PPEF2: variants seen among roughly 807,000 people sequenced by gnomAD.
PPEF2 encodes serine/threonine-protein phosphatase with EF-hands 2.
A neutral mutation model predicts 84.7 loss-of-function variants in PPEF2; 84 were observed. The ratio of observed to expected loss-of-function variants is 0.99; its 90% CI spans 0.83 to 1.19. The LOEUF is 1.19. Among genes scored for constraint, PPEF2 ranks in the 50% most tolerant of loss-of-function variants. PPEF2 has a pLI of 0.00. For synonymous variants in PPEF2, 346 were observed against 345.2 expected (o/e 1.00, Z -0.03); for missense variants, 924 against 937.5 (o/e 0.99, Z 0.19).
At chr4:75,861,243 T>C (rs1723992516) in intron 16 of PPEF2, among the ~76,000 whole-genome samples, 1 of 152,126 alleles carries the variant, frequency 6.6e-6, no homozygotes, top group Non-Finnish European at 1.5e-5. Context: ...CATCTTATAA[T>C]GCACAAGATG....
intron 10 of PPEF2, among the ~76,000 whole-genome samples, chr4:75,880,450 C>T (rs1265639547): frequency 6.6e-6 from 1 of 152,212 alleles, no homozygotes; most frequent in Non-Finnish European, 1.5e-5. Context: ...CTCTCCAGAG[C>T]TTTGCAAACC....
At chr4:75,902,195 C>T (rs1725137693) in intron 1 of PPEF2, 35 bp downstream of exon 1, 1 of 152,186 alleles carries the variant, frequency 6.6e-6, no homozygotes, top group African/African-American at 2.4e-5. Context: ...CTGTTCTCAC[C>T]CATTTCTACT....
chr4:75,892,608 T>C lies in PPEF2; in HGVS notation c.56-630A>G, dbSNP rs191183449. On this transcript the variant is annotated intron_variant, in intron 2 of 16. Coordinates refer to ENST00000286719, the MANE Select transcript of PPEF2 (RefSeq NM_006239.3). The stretch of plus-strand genomic sequence containing the variant: ...CAGCTCCCATGCTTGCCATCCCCAG[T>C]TCCATGATATCCCTACAGGCTTTAA... 2.5e-4 allele frequency among the ~76,000 whole-genome samples: 38 copies of C among 152,310 alleles called. No homozygotes were observed. The East Asian group carries it at 6.9e-3, about 28-fold the overall frequency.
Position 75,891,721 on chromosome 4 carries a change from A to C in PPEF2, c.184-16T>G. On this transcript the variant is annotated splice_polypyrimidine_tract_variant and intron_variant, in intron 3 of 16. Transcript: ENST00000286719. ...AGTCATGGAGCTGCAGAAGAACCCA[A>C]GGAGACGTGGCTTTAGAGGTGAGCG... 6.2e-7 allele frequency: 1 copy of C among 1,608,972 alleles called. No individual in the cohort carries two copies. The highest frequency in any genetic ancestry group is 8.5e-7 in the Non-Finnish European group (1 of 1,177,850).
intron 13 of PPEF2, among the ~76,000 whole-genome samples, chr4:75,869,039 A>C (rs1415804739): frequency 6.6e-6 from 1 of 152,192 alleles, no homozygotes; most frequent in African/African-American, 2.4e-5. Context: ...AGTGTGAACC[A>C]CCTAAAACTC....
intron 3 of PPEF2, 40 bp downstream of exon 3, chr4:75,891,811 G>C (rs762569252): frequency 6.2e-7 from 1 of 1,600,360 alleles, no homozygotes; most frequent in Non-Finnish European, 8.6e-7. Context: ...TGCTGCCCAA[G>C]GGAGAGCAGG....
intron 2 of PPEF2, 76 bp downstream of exon 2, chr4:75,896,195 C>T (rs1048781387): frequency 8.6e-6 from 13 of 1,517,906 alleles, no homozygotes; most frequent in Non-Finnish European, 1.2e-5. Context: ...CTTCTACCCT[C>T]AGAACCCCCA....
chr4:75,893,039 G>C (rs1470669187), intron 2 of PPEF2, among the ~76,000 whole-genome samples: 2 of 152,236 alleles, frequency 1.3e-5, no homozygotes, highest in African/African-American at 4.8e-5. Context: ...TAAGAGGAAA[G>C]ATGATGGTGA....
chr4:75,880,870 G>A lies in PPEF2; in HGVS notation c.933+2056C>T, dbSNP rs577454679. Reference sequence around the variant, plus strand: ...GCTGGAGTGCAGTGGCACAATCTTGGCTCACTGCAGTCTCTGTCTCCTGGG... The same window carrying A: ...GCTGGAGTGCAGTGGCACAATCTTGACTCACTGCAGTCTCTGTCTCCTGGG... On this transcript the variant is annotated intron_variant, in intron 10 of 16. Transcript: ENST00000286719. Among the ~76,000 whole-genome samples, 18 of 149,642 alleles carry A rather than the reference G, an allele frequency of 1.2e-4. 1 individual carries two copies. The South Asian group carries it at 3.6e-3, about 30-fold the overall frequency.
chr4:75,874,449 C>A (rs1724360575), intron 11 of PPEF2, among the ~76,000 whole-genome samples: 2 of 151,972 alleles, frequency 1.3e-5, no homozygotes, highest in African/African-American at 4.8e-5. Context: ...GCGTGTGCCA[C>A]CATGCCCAGC....
intron 13 of PPEF2, among the ~76,000 whole-genome samples, chr4:75,867,660 G>A (rs1724164704): frequency 6.6e-6 from 1 of 152,172 alleles, no homozygotes; most frequent in Non-Finnish European, 1.5e-5. Context: ...GATCACCTCT[G>A]TGGTAAAGTT....
chr4:75,861,000 C>G (rs941212230), intron 16 of PPEF2, 80 bp from the exon 17 acceptor site: 9 of 1,493,928 alleles, frequency 6.0e-6, no homozygotes, highest in Non-Finnish European at 8.3e-6. Flanking sequence ...TACAAGGACA[C>G]CTGCTCCCTA....
rs758627508 is a variant in PPEF2, at chr4:75,864,399, T to C, written c.2008+41A>G. On this transcript the variant is annotated intron_variant, in intron 16 of 16. Transcript: ENST00000286719. ...AGATTAAGGGTTTAAGGTAAAATAC[T>C]TGCAGTGCTTCAAAAGTGATAGAAT... 20 of 1,423,740 alleles carry C rather than the reference T, an allele frequency of 1.4e-5. No homozygotes were observed. In the African/African-American group the frequency reaches 2.5e-4, roughly 18 times the overall value. The allele number at this position is 1,423,740 out of a possible 1,614,324, so 88.2% of individuals were successfully genotyped here. A position where few individuals can be genotyped will look rare whatever the true frequency, so the allele number is the denominator to read the frequency against.
At chr4:75,867,939 G>A (rs958071321) in intron 13 of PPEF2, among the ~76,000 whole-genome samples, 3 of 151,974 alleles carry the variant, frequency 2.0e-5, no homozygotes, top group Non-Finnish European at 4.4e-5. Flanking sequence ...ATTCTTATTG[G>A]GTCAATAGAG....
At position 75,884,776 on chromosome 4, in the gene PPEF2, A is replaced by G. The variant is rs1305827878; in HGVS notation, c.580-16T>C. ...GGAGGCCATTCTTTTCAACAAGGAGACCAGTGAAAGAATGAATGGGAGGAA... is the reference window on the plus strand; with the variant it reads ...GGAGGCCATTCTTTTCAACAAGGAGGCCAGTGAAAGAATGAATGGGAGGAA... On this transcript the variant is annotated splice_polypyrimidine_tract_variant and intron_variant, in intron 7 of 16. Coordinates refer to ENST00000286719, the MANE Select transcript of PPEF2 (RefSeq NM_006239.3). 1 of 1,556,682 alleles carries G rather than the reference A, an allele frequency of 6.4e-7. No individual in the cohort carries two copies. The highest frequency in any genetic ancestry group is 8.7e-7 in the Non-Finnish European group (1 of 1,152,046).
chr4:75,867,229 A>G, intron 14 of PPEF2, 84 bp downstream of exon 14: 2 of 1,035,936 alleles, frequency 1.9e-6, no homozygotes, highest in Non-Finnish European at 2.8e-6. Context: ...TAAAGCAACA[A>G]ATATTTATTT....
At chr4:75,870,771 CA>C (rs1301361040) in intron 13 of PPEF2, among the ~76,000 whole-genome samples, 3 of 152,108 alleles carry the variant, frequency 2.0e-5, no homozygotes, top group African/African-American at 7.2e-5. Context: ...AAATTAATAA[CA>C]ATATCTGTTG....
chr4:75,873,156 C>T lies in PPEF2; in HGVS notation c.1477G>A (p.Glu493Lys), dbSNP rs1365565196. 6 of 1,614,028 alleles carry T rather than the reference C, an allele frequency of 3.7e-6. No homozygotes were observed. In the African/African-American group the frequency reaches 8.0e-5, roughly 22 times the overall value. Reference protein sequence around the residue: ...FLIRSHECKPEGYEFCHNRKV... With the variant: ...FLIRSHECKPKGYEFCHNRKV... ...CGGTTGTGACAGAATTCATAGCCTT[C>T]AGGTTTGCATTCATGTGAACGGATC... Residue 493 changes from glutamate (E) to lysine (K), a missense_variant, in exon 12 of 17, where the codon GAA becomes AAA. By Grantham distance (56) the Glu-to-Lys change is moderately conservative (BLOSUM62 1). Coordinates refer to ENST00000286719, the MANE Select transcript of PPEF2 (RefSeq NM_006239.3).
chr4:75,876,787 C>G, intron 10 of PPEF2, 114 bp from the exon 11 acceptor site: 1 of 1,200,564 alleles, frequency 8.3e-7, no homozygotes, highest in Non-Finnish European at 1.1e-6. Context: ...CAGCAGAACA[C>G]TCAAGCCCGG....
Sources: allele counts gnomAD v4.1 joint callset (sites outside exome capture counted in the v4.1 genomes callset), GRCh38; gene constraint gnomAD v4.1.1; transcripts MANE v1.5; gene names NCBI Gene and HGNC (gene_info 2026-07-23, HGNC 2026-07-21).